ATP1A4: variants seen among roughly 807,000 people sequenced by gnomAD.
The protein encoded by ATP1A4 is sodium/potassium-transporting ATPase subunit alpha-4.
In ATP1A4, 90 loss-of-function variants were observed where a neutral mutation model predicts 114.3. That is an observed-to-expected ratio of 0.79 (90% CI 0.66 to 0.94). The LOEUF (loss-of-function observed/expected upper bound fraction) is 0.94, where lower values mean the gene tolerates loss of function less well. Ranked by LOEUF, ATP1A4 falls within the 40% of genes least tolerant of loss-of-function variation. The pLI is 0.00. For synonymous variants in ATP1A4, 511 were observed against 494.1 expected, an observed-to-expected ratio of 1.03 and a Z score of -0.45; for missense variants, 1,222 against 1,313.6, an observed-to-expected ratio of 0.93 and a Z score of 1.08.
chr1:160,152,220 C>A, intron 1 of ATP1A4, 33 bp downstream of exon 1: 1 of 1,605,402 alleles, frequency 6.2e-7, no homozygotes, highest in South Asian at 1.1e-5. Flanking sequence ...CTGACAGCTG[C>A]CCTCTGAAAA....
intron 6 of ATP1A4, among the ~76,000 whole-genome samples, chr1:160,160,969 A>G (rs962968432): frequency 1.3e-5 from 2 of 152,174 alleles, no homozygotes; most frequent in Non-Finnish European, 2.9e-5. Flanking sequence ...TACCCTTACA[A>G]AGTAGGGTTT....
chr1:160,177,446 C>T lies in ATP1A4; in HGVS notation c.2591-73C>T, dbSNP rs1343390956. The T allele has an allele frequency of 3.9e-6, 6 of 1,550,388 alleles. No individual in the cohort carries two copies. In the Admixed American group the frequency reaches 6.9e-5, roughly 18 times the overall value. Reference sequence around the variant, plus strand: ...GCCAGAAGCAAGTCCCAGCCCCCAGCCCTCCCCTGGCCTACCTTTTGGGGC... The same window carrying T: ...GCCAGAAGCAAGTCCCAGCCCCCAGTCCTCCCCTGGCCTACCTTTTGGGGC... On this transcript the variant is annotated intron_variant, in intron 17 of 21. Transcript: ENST00000368081.
At chr1:160,173,084 T>C (rs1454018837) in intron 12 of ATP1A4, among the ~76,000 whole-genome samples, 3 of 152,050 alleles carry the variant, frequency 2.0e-5, no homozygotes, top group Non-Finnish European at 4.4e-5. Flanking sequence ...TGGGTAGAAA[T>C]GGGACAGGAC....
At position 160,164,344 on chromosome 1, in the gene ATP1A4, T is replaced by G; in HGVS notation, c.967T>G (p.Tyr323Asp). Reference sequence around the variant, plus strand: ...TTTTGCGCTCTCACTTCTCTTGGGCTATGGTTGGCTGGAGGCTATCATTTT... The same window carrying G: ...TTTTGCGCTCTCACTTCTCTTGGGCGATGGTTGGCTGGAGGCTATCATTTT... ...TFFALSLLLG[Y>D]GWLEAIIFLI... The change falls in exon 7 of 22, where the codon TAT becomes GAT. Residue 323 changes from tyrosine (Y) to aspartate (D), a missense_variant. By Grantham distance (160) the Tyr-to-Asp change is radical (BLOSUM62 -3). Coordinates refer to ENST00000368081, the MANE Select transcript of ATP1A4 (RefSeq NM_144699.4). 1.2e-6 allele frequency: 2 copies of G among 1,614,196 alleles called. No individual in the cohort carries two copies. The highest frequency in any genetic ancestry group is 1.7e-6 in the Non-Finnish European group (2 of 1,180,022).
At position 160,155,235 on chromosome 1, in the gene ATP1A4, C is replaced by T. The variant is rs1487275270; in HGVS notation, c.398C>T (p.Pro133Leu). 3 of 1,613,212 alleles carry T rather than the reference C, an allele frequency of 1.9e-6. No homozygotes were observed. The highest frequency in any genetic ancestry group is 1.3e-5 in the African/African-American group (1 of 74,844). ...ATCCAGATATATTTCAATGAGGAGCCTACCAAAGACAACGTGAGTCTCTTC... is the reference window on the plus strand; with the variant it reads ...ATCCAGATATATTTCAATGAGGAGCTTACCAAAGACAACGTGAGTCTCTTC... Reference protein sequence around the residue: ...YSIQIYFNEEPTKDNLYLSIV... With the variant: ...YSIQIYFNEELTKDNLYLSIV... Residue 133 changes from proline to leucine, a missense_variant, in exon 3 of 22, where the codon CCT (proline) becomes CTT (leucine). Coordinates refer to ENST00000368081, the MANE Select transcript of ATP1A4 (RefSeq NM_144699.4).
Position 160,176,594 on chromosome 1 carries a change from G to C in ATP1A4, c.2582G>C (p.Gly861Ala), listed in dbSNP as rs771303461. Residue 861 changes from glycine to alanine, a missense_variant, in exon 17 of 22, where the codon GGA (glycine) becomes GCA (alanine). Transcript: ENST00000368081. ...VNHRLIGMAY[G>A]QIGMIQALAG... ...CACCGTCTCATTGGCATGGCCTATG[G>C]ACAGATTGGTGCGCCCAGAGGAATG... The C allele has an allele frequency of 6.2e-7, 1 of 1,614,044 alleles. No homozygotes were observed. Among genetic ancestry groups the C allele is most frequent in the South Asian group, 1.1e-5 (1 of 91,064 alleles).
At chr1:160,160,243 GTCTC>G (rs1652821689) in intron 6 of ATP1A4, among the ~76,000 whole-genome samples, 1 of 152,124 alleles carries the variant, frequency 6.6e-6, no homozygotes. Flanking sequence ...TTGAAACAGA[GTCTC>G]TCTCTGTTGC....
Position 160,159,410 on chromosome 1 carries a change from T to C in ATP1A4, c.662T>C (p.Val221Ala), listed in dbSNP as rs1652790462. ...AACGCGTCCCCTCTCCCATCCCAGG[T>C]GGACAACTCATCCTTGACTGGGGAG... ...LRLISAQGCK[V>A]DNSSLTGESE... Residue 221 changes from valine (V) to alanine (A), a missense_variant and splice_region_variant, in exon 6 of 22, where the codon GTG becomes GCG. Coordinates refer to ENST00000368081, the MANE Select transcript of ATP1A4 (RefSeq NM_144699.4). 1 of 1,609,480 alleles carries C rather than the reference T, an allele frequency of 6.2e-7. No homozygotes were observed. Among genetic ancestry groups the C allele is most frequent in the Non-Finnish European group, 8.5e-7 (1 of 1,178,480 alleles).
Position 160,167,064 on chromosome 1 carries a change from T to G in ATP1A4, c.1343T>G (p.Leu448Arg). The G allele has an allele frequency of 6.2e-7, 1 of 1,614,070 alleles. No individual in the cohort carries two copies. Reference sequence around the variant, plus strand: ...GACTTTAAGGCTAATCAGGAGATCCTGCCCATTGCTAAGGTGTCAGGCCCA... The same window carrying G: ...GACTTTAAGGCTAATCAGGAGATCCGGCCCATTGCTAAGGTGTCAGGCCCA... ...RADFKANQEI[L>R]PIAKRATTGD... The change falls in exon 9 of 22, where the codon CTG (leucine) becomes CGG (arginine). Residue 448 changes from leucine (L) to arginine (R), a missense_variant. Coordinates refer to ENST00000368081, the MANE Select transcript of ATP1A4 (RefSeq NM_144699.4).
In ATP1A4 at chr1:160,167,086, C is replaced by T. The variant is rs1406281819; in HGVS notation, c.1356+9C>T. ...TCCTGCCCATTGCTAAGGTGTCAGGCCCAAGGGGAAGAGGGTACCTCAGTG... is the reference window on the plus strand; with the variant it reads ...TCCTGCCCATTGCTAAGGTGTCAGGTCCAAGGGGAAGAGGGTACCTCAGTG... On this transcript the variant is annotated intron_variant, in intron 9 of 21. Coordinates refer to ENST00000368081, the MANE Select transcript of ATP1A4 (RefSeq NM_144699.4). 1.2e-6 allele frequency: 2 copies of T among 1,612,744 alleles called. No homozygotes were observed. Among genetic ancestry groups the T allele is most frequent in the African/African-American group, 2.7e-5 (2 of 74,864 alleles).
chr1:160,178,924 C>A (rs1653583004), intron 18 of ATP1A4, among the ~76,000 whole-genome samples: 1 of 152,160 alleles, frequency 6.6e-6, no homozygotes, highest in African/African-American at 2.4e-5. Context: ...CATGTGACAG[C>A]AATTATTGCT....
chr1:160,166,850 G>T, intron 8 of ATP1A4, 118 bp from the exon 9 acceptor site: 2 of 1,495,976 alleles, frequency 1.3e-6, no homozygotes, highest in Admixed American at 3.7e-5. Flanking sequence ...GAAGAGGGAG[G>T]TGTGAAGGAA....
intron 4 of ATP1A4, among the ~76,000 whole-genome samples, chr1:160,157,798 T>C (rs1374136744): frequency 6.6e-6 from 1 of 152,192 alleles, no homozygotes. Context: ...AAAGGTTATA[T>C]AGGTGTTCTT....
At chr1:160,185,606 C>T (rs531682527) in intron 20 of ATP1A4, among the ~76,000 whole-genome samples, 2 of 151,760 alleles carry the variant, frequency 1.3e-5, no homozygotes, top group African/African-American at 2.4e-5. Context: ...GGCAACATGG[C>T]GAAACCCCAT....
At chr1:160,166,900 G>A in intron 8 of ATP1A4, 68 bp from the exon 9 acceptor site, 2 of 1,545,572 alleles carry the variant, frequency 1.3e-6, no homozygotes, top group South Asian at 2.3e-5. Context: ...GTGCCAAAGA[G>A]GATGTGAATA....
At chr1:160,154,372 C>CA (rs879832091) in intron 2 of ATP1A4, among the ~76,000 whole-genome samples, 2,503 of 132,492 alleles carry the variant, frequency 0.019, 61 homozygotes, top group African/African-American at 0.063. Context: ...GACTCTGTCT[C>CA]AAAAAAAAAA....
chr1:160,183,265 G>A (rs1423985689), intron 20 of ATP1A4: 2 of 152,166 alleles, frequency 1.3e-5, no homozygotes, highest in Admixed American at 1.3e-4. Flanking sequence ...ACGTAGAAAT[G>A]GGCATAAAGC....
chr1:160,170,633 G>C (rs576013592), intron 10 of ATP1A4: 2 of 144,552 alleles, frequency 1.4e-5, no homozygotes, highest in Admixed American at 7.3e-5. Context: ...ACCCAGGCTA[G>C]AGTGCAATAG....
At chr1:160,153,567 A>G (rs756164771) in intron 2 of ATP1A4, among the ~76,000 whole-genome samples, 4 of 152,224 alleles carry the variant, frequency 2.6e-5, no homozygotes, top group Non-Finnish European at 5.9e-5. Context: ...CCATATTAGA[A>G]ATTAAAATTG....
Sources: gnomAD v4.1 joint callset for allele counts (sites outside exome capture counted in the v4.1 genomes callset) on GRCh38, gnomAD v4.1.1 for gene constraint, MANE v1.5 for transcripts, NCBI Gene and HGNC (gene_info 2026-07-23, HGNC 2026-07-21) for gene names.